Variants in TBPL1 observed in about 807,000 individuals in gnomAD.
TBPL1 encodes TATA-box binding protein like 1, also known as TATA box-binding protein-like 1.
Under a neutral mutation model 22.1 loss-of-function variants are expected in TBPL1, and 4 were observed. That is an observed-to-expected ratio of 0.18 (90% CI 0.09 to 0.41). TBPL1 has a LOEUF of 0.41. TBPL1 is among the 10% of genes least tolerant of loss of function. The pLI is 1.00. For missense variants in TBPL1, 115 were observed against 222.3 expected, an observed-to-expected ratio of 0.52 and a Z score of 3.07; for synonymous variants, 64 against 71.0, an observed-to-expected ratio of 0.90 and a Z score of 0.50.
intron 1 of TBPL1, among the ~76,000 whole-genome samples, chr6:133,968,532 G>GT (rs1776162215): frequency 6.6e-6 from 1 of 152,106 alleles, no homozygotes; most frequent in African/African-American, 2.4e-5. Context: ...AAATTTGTGA[G>GT]TTTTTTTATT....
At chr6:133,957,169 T>A (rs1562654471) in intron 1 of TBPL1, among the ~76,000 whole-genome samples, 1 of 151,718 alleles carries the variant, frequency 6.6e-6, no homozygotes, top group Non-Finnish European at 1.5e-5. Flanking sequence ...TAAATGTTTT[T>A]AAAAAAAAAC....
intron 6 of TBPL1, 40 bp from the exon 7 acceptor site, chr6:133,986,921 C>G: frequency 6.9e-7 from 1 of 1,441,440 alleles, no homozygotes; most frequent in Non-Finnish European, 9.5e-7. Context: ...GCTCCCTTTT[C>G]CAACTCTTCT....
chr6:133,974,498 T>C (rs887099932), intron 1 of TBPL1, among the ~76,000 whole-genome samples: 6 of 152,210 alleles, frequency 3.9e-5, no homozygotes, highest in Admixed American at 3.3e-4. Context: ...CACGCCCGGC[T>C]GATTTTTGTA....
At chr6:133,953,579 C>T (rs1384362818) in intron 1 of TBPL1, among the ~76,000 whole-genome samples, 154 bp downstream of exon 1, 2 of 151,796 alleles carry the variant, frequency 1.3e-5, no homozygotes, top group Admixed American at 6.6e-5. Flanking sequence ...AGGGCAGCCG[C>T]TGAGGTGGGG....
At chr6:133,972,082 C>A (rs917165252) in intron 1 of TBPL1, among the ~76,000 whole-genome samples, 5 of 152,096 alleles carry the variant, frequency 3.3e-5, no homozygotes, top group African/African-American at 1.2e-4. Flanking sequence ...TGGCAAGATT[C>A]CAGACATCAA....
chr6:133,965,941 T>C (rs1165401500), intron 1 of TBPL1, among the ~76,000 whole-genome samples: 1 of 152,250 alleles, frequency 6.6e-6, no homozygotes, highest in Admixed American at 6.5e-5. Flanking sequence ...GTTCTGTTTA[T>C]CTGCCTTATT....
intron 6 of TBPL1, among the ~76,000 whole-genome samples, chr6:133,985,387 G>C (rs1344281250): frequency 5.7e-5 from 5 of 87,000 alleles, no homozygotes; most frequent in Non-Finnish European, 1.1e-4. Flanking sequence ...TTTTTTTTTT[G>C]TAAATTCATG....
chr6:133,964,601 C>T (rs1776086645), intron 1 of TBPL1, among the ~76,000 whole-genome samples: 1 of 151,706 alleles, frequency 6.6e-6, no homozygotes, highest in South Asian at 2.1e-4. Flanking sequence ...AGGTGCCTGC[C>T]ACCACTCCAG....
chr6:133,975,172 A>T (rs1776292301), intron 1 of TBPL1, among the ~76,000 whole-genome samples: 1 of 152,196 alleles, frequency 6.6e-6, no homozygotes, highest in South Asian at 2.1e-4. Flanking sequence ...GTGGAAAAAA[A>T]GCAAGATTGA....
At chr6:133,985,817 C>T (rs1471127686) in intron 6 of TBPL1, 2 of 152,032 alleles carry the variant, frequency 1.3e-5, no homozygotes, top group Non-Finnish European at 2.9e-5. Context: ...AAACGTATTC[C>T]CAAGATCCCA....
At chr6:133,981,983 T>C (rs1021294696) in intron 2 of TBPL1, among the ~76,000 whole-genome samples, 3 of 152,218 alleles carry the variant, frequency 2.0e-5, no homozygotes, top group African/African-American at 4.8e-5. Flanking sequence ...GATGTTGAAC[T>C]TGAGTATGTA....
intron 1 of TBPL1, among the ~76,000 whole-genome samples, chr6:133,975,024 A>T (rs973522228): frequency 6.6e-6 from 1 of 152,354 alleles, no homozygotes; most frequent in African/African-American, 2.4e-5. Context: ...AGTATTAAGT[A>T]TTCAACTTAA....
intron 1 of TBPL1, among the ~76,000 whole-genome samples, chr6:133,961,465 C>CTTTTTTTTT (rs61695774): frequency 8.0e-5 from 8 of 100,204 alleles, no homozygotes; most frequent in South Asian, 3.1e-4. Flanking sequence ...TTCTTTCTTT[C>CTTTTTTTTT]TTTTTTTTTT....
chr6:133,984,586 T>G lies in TBPL1; in HGVS notation c.396T>G (p.Pro132=). ...GGCTTATTTTGTGTAGTTACGAACCTGAACTTCATCCTGCTGTGTGCTATC... is the reference window on the plus strand; with the variant it reads ...GGCTTATTTTGTGTAGTTACGAACCGGAACTTCATCCTGCTGTGTGCTATC... ...KNNRPHASYE[P]ELHPAVCYRI... is the part of the protein sequence containing the mutation. The change falls in exon 6 of 7, where the codon CCT becomes CCG. Residue 132 remains proline, a synonymous_variant. Coordinates refer to ENST00000237264, the MANE Select transcript of TBPL1 (RefSeq NM_004865.4). 1.2e-6 allele frequency: 2 copies of G among 1,613,354 alleles called. No homozygotes were observed. Among genetic ancestry groups the G allele is most frequent in the Non-Finnish European group, 1.7e-6 (2 of 1,179,662 alleles).
At chr6:133,965,588 T>C (rs779840867) in intron 1 of TBPL1, among the ~76,000 whole-genome samples, 9 of 152,014 alleles carry the variant, frequency 5.9e-5, no homozygotes, top group Non-Finnish European at 1.0e-4. Flanking sequence ...TTTGATGGTT[T>C]TGTTATTGTT....
rs141617306 is a variant in TBPL1 at position 133,961,281 on chromosome 6, A to G, written c.-45+7856A>G. Among the ~76,000 whole-genome samples, 1,278 of 152,238 alleles carry G rather than the reference A, an allele frequency of 8.4e-3. 38 individuals carry two copies. Among genetic ancestry groups the G allele is most frequent in the Admixed American group, 0.062 (944 of 15,276 alleles). On this transcript the variant is annotated intron_variant, in intron 1 of 6. Coordinates refer to ENST00000237264, the MANE Select transcript of TBPL1 (RefSeq NM_004865.4). ...AATGCCAGCAATTCAGCCAAGTTCT[A>G]AAGACACACATTTAAATTAAACAGT...
chr6:133,975,664 C>T (rs1247078673), intron 1 of TBPL1, among the ~76,000 whole-genome samples: 2 of 152,088 alleles, frequency 1.3e-5, no homozygotes, highest in Non-Finnish European at 2.9e-5. Context: ...CCAGATTCAT[C>T]AATAATCTTT....
At chr6:133,981,022 C>A (rs1259728033) in intron 2 of TBPL1, among the ~76,000 whole-genome samples, 1 of 132,168 alleles carries the variant, frequency 7.6e-6, no homozygotes, top group African/African-American at 3.0e-5. Flanking sequence ...GGCTGGAGTG[C>A]AATGCAGTGG....
chr6:133,990,207 C>T lies in TBPL1; in HGVS notation c.*3167C>T, dbSNP rs1380430452. The stretch of plus-strand genomic sequence containing the variant: ...ATCATCATCAATTATAGCCTGTGTA[C>T]CGTAACCTGAGGTAGTGATATTCCT... On this transcript the variant is annotated 3_prime_UTR_variant, in exon 7 of 7. Transcript: ENST00000237264. 5 of 152,602 alleles carry T rather than the reference C, an allele frequency of 3.3e-5. No individual in the cohort carries two copies. The highest frequency in any genetic ancestry group is 7.3e-5 in the Non-Finnish European group (5 of 68,052). The allele number at this position is 152,602 out of a possible 1,614,324, so 9.5% of individuals were successfully genotyped here. A position where few individuals can be genotyped will look rare whatever the true frequency, so the allele number is the denominator to read the frequency against.
Sources: gnomAD v4.1 joint callset for allele counts (sites outside exome capture counted in the v4.1 genomes callset) on GRCh38, gnomAD v4.1.1 for gene constraint, MANE v1.5 for transcripts, NCBI Gene and HGNC (gene_info 2026-07-23, HGNC 2026-07-21) for gene names.